MRTFA: variants seen among roughly 807,000 people sequenced by gnomAD.
MRTFA encodes the protein myocardin related transcription factor A.
In MRTFA, 20 loss-of-function variants were observed where a neutral mutation model predicts 83.5. That is an observed-to-expected ratio of 0.24 (90% CI 0.17 to 0.35). MRTFA has a LOEUF of 0.35. MRTFA is among the 10% of genes least tolerant of loss of function. The probability of loss-of-function intolerance (pLI) is 1.00; values close to 1 mark genes in which losing one functional copy is unlikely to be tolerated. For missense variants in MRTFA, 1,200 were observed against 1,224.7 expected (o/e 0.98, Z 0.30); for synonymous variants, 659 against 541.2 (o/e 1.22, Z -3.02).
intron 3 of MRTFA, among the ~76,000 whole-genome samples, chr22:40,475,592 G>A (rs569041325): frequency 6.6e-6 from 1 of 152,298 alleles, no homozygotes; most frequent in Non-Finnish European, 1.5e-5. Context: ...ATCTAGACAA[G>A]TGTAACATTA....
chr22:40,457,735 A>G (rs2053622884), intron 4 of MRTFA, among the ~76,000 whole-genome samples: 1 of 152,216 alleles, frequency 6.6e-6, no homozygotes, highest in African/African-American at 2.4e-5. Context: ...CTACTGGCAC[A>G]TGGGAAAATA....
At chr22:40,626,428 G>C (rs1231044086) in intron 1 of MRTFA, among the ~76,000 whole-genome samples, 2 of 152,126 alleles carry the variant, frequency 1.3e-5, no homozygotes, top group Admixed American at 6.6e-5. Context: ...GAGTAGCTGG[G>C]ATTATCGGTG....
At chr22:40,476,512 C>A (rs1325912676) in intron 3 of MRTFA, among the ~76,000 whole-genome samples, 1 of 152,126 alleles carries the variant, frequency 6.6e-6, no homozygotes, top group African/African-American at 2.4e-5. Context: ...GGCTGGAGAG[C>A]AGTGGTGCAA....
intron 3 of MRTFA, among the ~76,000 whole-genome samples, chr22:40,514,331 G>A (rs986213881): frequency 3.3e-5 from 5 of 151,870 alleles, no homozygotes; most frequent in African/African-American, 9.7e-5. Flanking sequence ...CTGGGGAGAG[G>A]TGTATCCATT....
intron 2 of MRTFA, among the ~76,000 whole-genome samples, chr22:40,575,111 C>T (rs1055411679): frequency 6.6e-6 from 1 of 152,178 alleles, no homozygotes; most frequent in Non-Finnish European, 1.5e-5. Flanking sequence ...GAGCTTAACT[C>T]CTCCATGCCT....
intron 1 of MRTFA, among the ~76,000 whole-genome samples, chr22:40,624,679 G>C (rs2056561163): frequency 6.6e-6 from 1 of 152,092 alleles, no homozygotes; most frequent in African/African-American, 2.4e-5. Flanking sequence ...AATTTTGGAA[G>C]GCATTCAAAA....
At chr22:40,630,600 G>C (rs2056631605) in intron 1 of MRTFA, among the ~76,000 whole-genome samples, 1 of 152,162 alleles carries the variant, frequency 6.6e-6, no homozygotes, top group Non-Finnish European at 1.5e-5. Context: ...GATCACTACT[G>C]CCTCTAAAGA....
chr22:40,468,976 G>C (rs2053856145), intron 3 of MRTFA, among the ~76,000 whole-genome samples: 1 of 152,204 alleles, frequency 6.6e-6, no homozygotes. Context: ...CAGTATACTA[G>C]AAAGTAAATT....
chr22:40,548,126 G>A (rs1368226941), intron 3 of MRTFA, among the ~76,000 whole-genome samples: 1 of 151,762 alleles, frequency 6.6e-6, no homozygotes, highest in Non-Finnish European at 1.5e-5. Flanking sequence ...TGAGGCCAGG[G>A]GCAGAGGGGA....
intron 4 of MRTFA, among the ~76,000 whole-genome samples, chr22:40,451,425 T>C (rs778398664): frequency 2.0e-5 from 3 of 152,174 alleles, no homozygotes; most frequent in Non-Finnish European, 4.4e-5. Context: ...CATCCTGTTT[T>C]GGTATGCACG....
At chr22:40,547,853 CAAAAAA>C (rs1056609474) in intron 3 of MRTFA, among the ~76,000 whole-genome samples, 2 of 51,272 alleles carry the variant, frequency 3.9e-5, no homozygotes, top group African/African-American at 7.8e-5. Context: ...GACTGTCTCC[CAAAAAA>C]AAAAAAAAAA....
At chr22:40,562,051 C>T (rs1381509650) in intron 2 of MRTFA, among the ~76,000 whole-genome samples, 11 of 151,916 alleles carry the variant, frequency 7.2e-5, no homozygotes, top group Non-Finnish European at 1.3e-4. Flanking sequence ...CTCAACTCTA[C>T]AAAAAATACA....
chr22:40,517,242 AAAG>A (rs2054776626), intron 3 of MRTFA, among the ~76,000 whole-genome samples: 1 of 152,152 alleles, frequency 6.6e-6, no homozygotes, highest in African/African-American at 2.4e-5. Context: ...ACATATTCTA[AAAG>A]AAGAAAAAGT....
chr22:40,528,871 G>A (rs911531391), intron 3 of MRTFA, among the ~76,000 whole-genome samples: 7 of 151,982 alleles, frequency 4.6e-5, no homozygotes, highest in Admixed American at 3.9e-4. Context: ...AACATTATGA[G>A]ATTCTTTTTT....
Position 40,533,855 on chromosome 22 carries a change from G to C in MRTFA, c.241+18251C>G, listed in dbSNP as rs118099746. The C allele has an allele frequency of 1.8e-3, 668 of 371,656 alleles. 7 individuals are homozygous for C. In the East Asian group the frequency reaches 0.025, roughly 14 times the overall value. 23.0% of individuals were successfully genotyped at this position (371,656 alleles called of 1,614,324 possible). On this transcript the variant is annotated intron_variant, in intron 3 of 14. Transcript: ENST00000355630. ...ATTACTGCCGACAGGAAACCAAAAA[G>C]CTCTCCAGTTAAGACATACTAAGTG...
intron 3 of MRTFA, among the ~76,000 whole-genome samples, chr22:40,531,201 C>T (rs1375673439): frequency 2.0e-5 from 3 of 150,746 alleles, no homozygotes; most frequent in Non-Finnish European, 4.4e-5. Flanking sequence ...TGGGCTCAAT[C>T]GATCCTCCCA....
chr22:40,492,541 G>A (rs1341889995), intron 3 of MRTFA, among the ~76,000 whole-genome samples: 1 of 152,164 alleles, frequency 6.6e-6, no homozygotes, highest in African/African-American at 2.4e-5. Context: ...TAAACAGTTG[G>A]TTTCTCTGCT....
At chr22:40,490,597 T>C (rs1376834118) in intron 3 of MRTFA, among the ~76,000 whole-genome samples, 2 of 122,578 alleles carry the variant, frequency 1.6e-5, no homozygotes, top group South Asian at 2.6e-4. Flanking sequence ...AGATTCCATC[T>C]CAAAAAAAAA....
At chr22:40,496,849 C>A (rs573013392) in intron 3 of MRTFA, among the ~76,000 whole-genome samples, 1 of 152,276 alleles carries the variant, frequency 6.6e-6, no homozygotes, top group South Asian at 2.1e-4. Flanking sequence ...GGGCACCAGG[C>A]TGAGTCAGGA....
Sources: gnomAD v4.1 joint callset for allele counts (sites outside exome capture counted in the v4.1 genomes callset) on GRCh38, gnomAD v4.1.1 for gene constraint, MANE v1.5 for transcripts, NCBI Gene and HGNC (gene_info 2026-07-23, HGNC 2026-07-21) for gene names.